CERS3: variants seen among roughly 807,000 people sequenced by gnomAD.
The protein encoded by CERS3 is LAG1 homolog, ceramide synthase 3.
CERS3 carries 33 observed loss-of-function variants against 50.3 expected under a neutral mutation model. The ratio of observed to expected loss-of-function variants is 0.66; its 90% CI spans 0.50 to 0.88. The LOEUF is 0.88. Among genes scored for constraint, CERS3 ranks in the 40% least tolerant of loss-of-function variants. The probability of loss-of-function intolerance (pLI) is 0.00; values close to 1 mark genes in which losing one functional copy is unlikely to be tolerated. For synonymous variants in CERS3, 176 were observed against 155.2 expected, an observed-to-expected ratio of 1.13 and a Z score of -0.99; for missense variants, 470 against 460.3, an observed-to-expected ratio of 1.02 and a Z score of -0.19.
chr15:100,469,046 G>T (rs1288389578), intron 10 of CERS3, among the ~76,000 whole-genome samples: 1 of 152,132 alleles, frequency 6.6e-6, no homozygotes, highest in Non-Finnish European at 1.5e-5. Context: ...TTAGAGAACT[G>T]GTGATTGGAC....
chr15:100,489,585 CCAAA>C (rs764082304), intron 4 of CERS3, among the ~76,000 whole-genome samples: 2 of 150,322 alleles, frequency 1.3e-5, no homozygotes, highest in Non-Finnish European at 2.9e-5. Context: ...TTAGTTGTTC[CCAAA>C]CAAAGAAGGA....
rs112958737 is a variant in CERS3, at chr15:100,465,818, C to A, written c.845+3560G>T. Among the ~76,000 whole-genome samples, 406 of 152,154 alleles carry A rather than the reference C, an allele frequency of 2.7e-3. 1 individual carries two copies. Among genetic ancestry groups the A allele is most frequent in the Middle Eastern group, 0.02 (6 of 294 alleles). ...GGATTACTGGCACTCGCCATCACAC[C>A]CGGCTAATTTTTGTATTTTTAGTAG... On this transcript the variant is annotated intron_variant, in intron 10 of 11. Coordinates refer to ENST00000679737, the MANE Select transcript of CERS3 (RefSeq NM_001378789.1).
At chr15:100,409,163 C>T (rs927704258) in intron 11 of CERS3, among the ~76,000 whole-genome samples, 7 of 152,164 alleles carry the variant, frequency 4.6e-5, no homozygotes, top group South Asian at 2.1e-4. Flanking sequence ...TGCCCCGTCT[C>T]GCTACATCTT....
intron 11 of CERS3, among the ~76,000 whole-genome samples, chr15:100,408,967 G>A (rs74038763): frequency 0.013 from 1,980 of 152,262 alleles, 45 homozygotes; most frequent in African/African-American, 0.045. Flanking sequence ...GCTATGAAAG[G>A]TACACAGGAT....
At chr15:100,442,901 A>G (rs377060083) in intron 11 of CERS3, among the ~76,000 whole-genome samples, 7,610 of 128,992 alleles carry the variant, frequency 0.059, 271 homozygotes, top group Admixed American at 0.12. Context: ...TTCTTTACAA[A>G]GGCCTGTTTC....
chr15:100,426,939 T>C lies in CERS3; in HGVS notation c.1000-24074A>G, dbSNP rs560410984. ...TTCATTTCCAGCCTGTTACACTCAA[T>C]TGGGTCCTTTGATACGGGTCCCTGC... On this transcript the variant is annotated intron_variant, in intron 11 of 11. Transcript: ENST00000679737. Among the ~76,000 whole-genome samples, 13 of 152,294 alleles carry C rather than the reference T, an allele frequency of 8.5e-5. No individual in the cohort carries two copies. The East Asian group carries it at 1.2e-3, about 14-fold the overall frequency.
At chr15:100,431,884 A>C (rs533516937) in intron 11 of CERS3, among the ~76,000 whole-genome samples, 1 of 152,332 alleles carries the variant, frequency 6.6e-6, no homozygotes, top group East Asian at 1.9e-4. Context: ...CAGCAGTAAC[A>C]AGTTGATCTG....
At chr15:100,443,732 C>T (rs1437298280) in intron 11 of CERS3, among the ~76,000 whole-genome samples, 2 of 151,308 alleles carry the variant, frequency 1.3e-5, no homozygotes. Flanking sequence ...TAGCATAATT[C>T]TCATAAAGAC....
intron 11 of CERS3, among the ~76,000 whole-genome samples, chr15:100,432,390 A>G (rs1423341540): frequency 6.6e-6 from 1 of 152,168 alleles, no homozygotes; most frequent in Non-Finnish European, 1.5e-5. Context: ...AAAACGAAAA[A>G]CCACTCTCAG....
intron 10 of CERS3, among the ~76,000 whole-genome samples, chr15:100,465,790 C>T (rs1382344222): frequency 6.6e-6 from 1 of 152,024 alleles, no homozygotes; most frequent in Non-Finnish European, 1.5e-5. Flanking sequence ...TCCCGAGTAG[C>T]TGGGATTACT....
At chr15:100,466,840 C>CCTCTCTCTCTCTCTCTCTCTCTCT (rs1555528082) in intron 10 of CERS3, among the ~76,000 whole-genome samples, 2 of 28,312 alleles carry the variant, frequency 7.1e-5, no homozygotes, top group African/African-American at 1.1e-4. Context: ...TCCCTCTCTC[C>CCTCTCTCTCTCTCTCTCTCTCTCT]CTCTCTCTTT....
chr15:100,442,257 G>T (rs1327690372), intron 11 of CERS3, among the ~76,000 whole-genome samples: 3 of 152,064 alleles, frequency 2.0e-5, no homozygotes, highest in Non-Finnish European at 1.5e-5. Context: ...GACCCTAAAA[G>T]GTCAAAAGGG....
chr15:100,423,721 C>A (rs2032616858), intron 11 of CERS3, among the ~76,000 whole-genome samples: 1 of 152,130 alleles, frequency 6.6e-6, no homozygotes, highest in Non-Finnish European at 1.5e-5. Context: ...ACCCAAGTAA[C>A]AAACCTGTAC....
chr15:100,527,954 G>T (rs1161176592), intron 1 of CERS3, among the ~76,000 whole-genome samples: 10 of 152,208 alleles, frequency 6.6e-5, no homozygotes, highest in African/African-American at 2.4e-4. Context: ...CAAAAGGCTT[G>T]TAGGGGGGAA....
At chr15:100,484,729 CAA>C in intron 4 of CERS3, 61 bp from the exon 5 acceptor site, 2 of 1,227,586 alleles carry the variant, frequency 1.6e-6, no homozygotes, top group South Asian at 1.2e-5. Context: ...GGCAGGCAGA[CAA>C]GAGACGGAGA....
At chr15:100,453,386 T>A (rs2034242540) in intron 11 of CERS3, among the ~76,000 whole-genome samples, 1 of 152,192 alleles carries the variant, frequency 6.6e-6, no homozygotes, top group South Asian at 2.1e-4. Context: ...ATCGACAGAA[T>A]GTAGAATAAA....
At chr15:100,506,076 A>AAACT (rs1035145225) in intron 2 of CERS3, among the ~76,000 whole-genome samples, 7 of 110,190 alleles carry the variant, frequency 6.4e-5, no homozygotes, top group Admixed American at 2.2e-4. Flanking sequence ...GTTTCAAAAC[A>AAACT]AACAAACAAA....
intron 1 of CERS3, among the ~76,000 whole-genome samples, chr15:100,543,790 A>G (rs1226728335): frequency 6.6e-6 from 1 of 152,110 alleles, no homozygotes; most frequent in Non-Finnish European, 1.5e-5. Context: ...TTGGCCTCTC[A>G]AAGTGCTGGG....
chr15:100,440,092 A>G (rs747082592), intron 11 of CERS3, among the ~76,000 whole-genome samples: 13 of 152,330 alleles, frequency 8.5e-5, no homozygotes, highest in Middle Eastern at 6.8e-3. Flanking sequence ...CCGTTTCTCC[A>G]TGGGGACAGG....
Sources: allele counts gnomAD v4.1 joint callset (sites outside exome capture counted in the v4.1 genomes callset), GRCh38; gene constraint gnomAD v4.1.1; transcripts MANE v1.5; gene names NCBI Gene and HGNC (gene_info 2026-07-23, HGNC 2026-07-21).